Variants in AKAP19 observed in about 807,000 individuals in gnomAD.
The protein encoded by AKAP19 is small A-kinase anchoring protein.
the AKAP19 span, among the ~76,000 whole-genome samples, chr2:190,037,955 T>C: frequency 6.6e-6 from 1 of 152,200 alleles, no homozygotes; most frequent in Non-Finnish European, 1.5e-5. Context: ...ATATGAAGTA[T>C]GTAAAGTGTC....
the AKAP19 span, among the ~76,000 whole-genome samples, chr2:190,162,799 A>AT: frequency 6.6e-6 from 1 of 151,956 alleles, no homozygotes; most frequent in African/African-American, 2.4e-5. Context: ...CATGGAAGCA[A>AT]TTTTTTTTAG....
At chr2:189,982,445 C>T in the AKAP19 span, among the ~76,000 whole-genome samples, 1 of 152,004 alleles carries the variant, frequency 6.6e-6, no homozygotes, top group Non-Finnish European at 1.5e-5. Context: ...CTCTTGGATC[C>T]TGTTGAGTTT....
At chr2:190,108,403 G>A in the AKAP19 span, among the ~76,000 whole-genome samples, 27,794 of 152,148 alleles carry the variant, frequency 0.18, 2,617 homozygotes, top group Admixed American at 0.23. Context: ...TGATCTGCCC[G>A]CCTCAGCCTC....
chr2:190,099,798 A>G, the AKAP19 span, among the ~76,000 whole-genome samples: 3 of 152,190 alleles, frequency 2.0e-5, no homozygotes, highest in East Asian at 5.8e-4. Flanking sequence ...CTTTTCTCAG[A>G]CTTACCATGA....
the AKAP19 span, among the ~76,000 whole-genome samples, chr2:190,043,831 T>C: frequency 6.6e-6 from 1 of 152,324 alleles, no homozygotes; most frequent in Non-Finnish European, 1.5e-5. Context: ...GGGTGTTCCT[T>C]TAAGTGCAGT....
the AKAP19 span, among the ~76,000 whole-genome samples, chr2:190,005,036 C>T: frequency 2.0e-5 from 3 of 152,172 alleles, no homozygotes; most frequent in Non-Finnish European, 2.9e-5. Context: ...TGTGTTCCTT[C>T]ATATGTCCAG....
chr2:190,187,208 A>AT, the AKAP19 span, among the ~76,000 whole-genome samples: 1 of 152,178 alleles, frequency 6.6e-6, no homozygotes, highest in Non-Finnish European at 1.5e-5. Context: ...GTTTTTTTAT[A>AT]TATTTACATT....
chr2:190,166,614 G>A, the AKAP19 span, among the ~76,000 whole-genome samples: 208 of 152,110 alleles, frequency 1.4e-3, 1 homozygote, highest in African/African-American at 4.7e-3. Flanking sequence ...AAATGATTTA[G>A]CACTTGAAAA....
the AKAP19 span, among the ~76,000 whole-genome samples, chr2:189,916,343 T>C: frequency 2.0e-5 from 3 of 150,176 alleles, no homozygotes; most frequent in Non-Finnish European, 3.0e-5. Flanking sequence ...TTTTTTTTTT[T>C]TTGGAGACAG....
the AKAP19 span, among the ~76,000 whole-genome samples, chr2:190,081,415 G>A: frequency 6.6e-6 from 1 of 152,062 alleles, no homozygotes; most frequent in Admixed American, 6.6e-5. Flanking sequence ...GAGCCCAGAG[G>A]AACTTAGTTC....
chr2:189,999,388 A>G, the AKAP19 span, among the ~76,000 whole-genome samples: 1 of 152,144 alleles, frequency 6.6e-6, no homozygotes, highest in Non-Finnish European at 1.5e-5. Flanking sequence ...AGGACTTCAA[A>G]GATTTCTTTC....
the AKAP19 span, chr2:189,923,582 A>C: frequency 6.2e-7 from 1 of 1,614,090 alleles, no homozygotes; most frequent in Non-Finnish European, 8.5e-7. Context: ...TTTAGATATT[A>C]ACCTGGCTGC....
chr2:190,097,496 A>T, the AKAP19 span, among the ~76,000 whole-genome samples: 5 of 152,246 alleles, frequency 3.3e-5, no homozygotes, highest in East Asian at 9.6e-4. Flanking sequence ...TTCACAAAAG[A>T]TTTCTCTGTA....
the AKAP19 span, among the ~76,000 whole-genome samples, chr2:189,950,028 GT>G: frequency 4.6e-4 from 52 of 113,962 alleles, no homozygotes; most frequent in African/African-American, 8.8e-4. Context: ...TTGGTTTTGG[GT>G]TTTTTTTTTT....
chr2:189,928,576 A>T, the AKAP19 span, among the ~76,000 whole-genome samples: 1 of 152,276 alleles, frequency 6.6e-6, no homozygotes, highest in Admixed American at 6.5e-5. Context: ...AGATACATGT[A>T]ACAATTTAAC....
At chr2:190,124,050 T>C in the AKAP19 span, among the ~76,000 whole-genome samples, 8 of 152,334 alleles carry the variant, frequency 5.3e-5, no homozygotes, top group Non-Finnish European at 1.2e-4. Flanking sequence ...GTCTTCTGCC[T>C]CATACTGAGA....
the AKAP19 span, among the ~76,000 whole-genome samples, chr2:190,100,618 G>A: frequency 6.6e-6 from 1 of 152,282 alleles, no homozygotes; most frequent in Admixed American, 6.5e-5. Context: ...TATTTACAAA[G>A]TATGTTTAAA....
chr2:189,892,495 T>C, the AKAP19 span, among the ~76,000 whole-genome samples: 1 of 152,244 alleles, frequency 6.6e-6, no homozygotes. Context: ...GCCCCTCTGA[T>C]GCAGGTCTGC....
the AKAP19 span, among the ~76,000 whole-genome samples, chr2:190,045,367 G>A: frequency 6.6e-6 from 1 of 151,906 alleles, no homozygotes. Context: ...CCCTCCCTCT[G>A]GAAGCACCGT....
Sources: allele counts gnomAD v4.1 joint callset (sites outside exome capture counted in the v4.1 genomes callset), GRCh38; gene constraint gnomAD v4.1.1; transcripts MANE v1.5; gene names NCBI Gene and HGNC (gene_info 2026-07-23, HGNC 2026-07-21).